AGAP4: variants seen among roughly 807,000 people sequenced by gnomAD.
AGAP4 encodes the protein arf-GAP with GTPase, ANK repeat and PH domain-containing protein 4.
A neutral mutation model predicts 60.7 loss-of-function variants in AGAP4; 13 were observed. The observed-to-expected ratio is 0.21, with a 90% confidence interval of 0.14 to 0.34. The LOEUF is 0.34. Among genes scored for constraint, AGAP4 ranks in the 10% least tolerant of loss-of-function variants. The probability of loss-of-function intolerance (pLI) is 1.00; values close to 1 mark genes in which losing one functional copy is unlikely to be tolerated. For synonymous variants in AGAP4, 70 were observed against 339.0 expected (o/e 0.21, Z 8.72); for missense variants, 169 against 884.0 (o/e 0.19, Z 10.26).
At chr10:45,843,194 G>A (rs1168633612) in intron 3 of AGAP4, among the ~76,000 whole-genome samples, 1 of 116,426 alleles carries the variant, frequency 8.6e-6, no homozygotes, top group Non-Finnish European at 1.8e-5. Context: ...CTACTCGGGA[G>A]GCTGAGGCAG....
At chr10:45,853,726 A>T (rs1376262458) in exon 1 of AGAP4, 2 of 1,287,802 alleles carry the variant, frequency 1.6e-6, no homozygotes, top group Admixed American at 4.6e-5. Flanking sequence ...CAGAGATCAC[A>T]GCAGCAGCCA....
intron 5 of AGAP4, among the ~76,000 whole-genome samples, chr10:45,831,842 C>T (rs12356735): frequency 0.2 from 27,489 of 138,890 alleles, 4,128 homozygotes; most frequent in South Asian, 0.48. Flanking sequence ...CAGGTTCAAG[C>T]GATTCTCATG....
upstream of AGAP4, among the ~76,000 whole-genome samples, chr10:45,851,540 T>C (rs1415262012): frequency 2.0e-5 from 3 of 151,726 alleles, no homozygotes; most frequent in Non-Finnish European, 2.9e-5. Context: ...AGTAGTGAAC[T>C]GGAGGTGAGA....
At chr10:45,832,921 CT>C (rs1274851504) in intron 5 of AGAP4, among the ~76,000 whole-genome samples, 2,600 of 140,426 alleles carry the variant, frequency 0.019, no homozygotes, top group African/African-American at 0.072. Context: ...CAAATTAAAA[CT>C]TACTATACTC....
intron 6 of AGAP4, among the ~76,000 whole-genome samples, chr10:45,830,372 A>G (rs2058712327): frequency 7.6e-6 from 1 of 132,118 alleles, no homozygotes; most frequent in African/African-American, 2.8e-5. Context: ...GGGTTTTACC[A>G]TGTTGGTCGG....
chr10:45,853,776 T>A (rs2059110757), exon 1 of AGAP4: 2 of 1,287,740 alleles, frequency 1.6e-6, no homozygotes, highest in Non-Finnish European at 2.0e-6. Context: ...ATGGACAAAG[T>A]TTGTGAAGGC....
At chr10:45,832,350 G>A (rs1372314001) in intron 5 of AGAP4, among the ~76,000 whole-genome samples, 2 of 149,484 alleles carry the variant, frequency 1.3e-5, no homozygotes, top group Admixed American at 6.7e-5. Context: ...ACTTGCCCAA[G>A]GTCCCACCAA....
At chr10:45,828,414 A>T (rs2058679416) in intron 6 of AGAP4, among the ~76,000 whole-genome samples, 1 of 150,106 alleles carries the variant, frequency 6.7e-6, no homozygotes, top group African/African-American at 2.4e-5. Context: ...CAGTTGTAGT[A>T]AACTTTAATA....
chr10:45,827,275 G>A lies in AGAP4; in HGVS notation c.701C>T (p.Pro234Leu). 3.8e-6 allele frequency: 6 copies of A among 1,575,058 alleles called. No homozygotes were observed. The South Asian group carries it at 4.5e-5, about 12-fold the overall frequency. The change falls in exon 8 of 8, where the codon CCT becomes CTT. Residue 234 changes from proline to leucine, a missense_variant. Pro to Leu is a moderately conservative substitution (Grantham distance 98, BLOSUM62 -3). Coordinates refer to ENST00000616763, the MANE Select transcript of AGAP4 (RefSeq NM_001276343.3). ...TSQEDPQFSV[P>L]PTANTPTPVC... ...GGGGGTGGGTGTGTTGGCAGTGGGA[G>A]GAACACTGAACTGAGGGTCCTCCTG... is the stretch of plus-strand genomic sequence containing the variant.
At chr10:45,853,440 C>A (rs1188501476) in intron 1 of AGAP4, among the ~76,000 whole-genome samples, 16 of 151,244 alleles carry the variant, frequency 1.1e-4, no homozygotes, top group Non-Finnish European at 2.2e-4. Flanking sequence ...GTAGACTATG[C>A]CCAGTGATAT....
intron 3 of AGAP4, 87 bp downstream of exon 3, chr10:45,844,239 A>G: frequency 1.4e-6 from 2 of 1,441,784 alleles, no homozygotes; most frequent in Middle Eastern, 2.5e-4. Flanking sequence ...TTTTAAACCA[A>G]TATGAGTTTT....
At chr10:45,831,365 A>C in intron 6 of AGAP4, 29 bp downstream of exon 6, 1 of 1,578,596 alleles carries the variant, frequency 6.3e-7, no homozygotes, top group Non-Finnish European at 8.6e-7. Flanking sequence ...CTTAGCTAGA[A>C]TAACAAGACA....
upstream of AGAP4, among the ~76,000 whole-genome samples, chr10:45,849,473 G>GATGATTATT (rs1554900083): frequency 1.4e-3 from 204 of 144,964 alleles, no homozygotes; most frequent in Middle Eastern, 3.7e-3. Context: ...TGATGATGAT[G>GATGATTATT]ATTATTATTA....
chr10:45,853,768 G>A (rs1463235585), exon 1 of AGAP4: 340 of 1,287,590 alleles, frequency 2.6e-4, no homozygotes, highest in Non-Finnish European at 3.3e-4. Flanking sequence ...CAGTTCTCAT[G>A]GACAAAGTTT....
chr10:45,849,828 C>T (rs1486093329), upstream of AGAP4, among the ~76,000 whole-genome samples: 5 of 150,816 alleles, frequency 3.3e-5, no homozygotes, highest in African/African-American at 9.8e-5. Flanking sequence ...TTAGTAGAGA[C>T]GGGGTTTCTG....
At chr10:45,839,896 A>G (rs2058889475) in intron 4 of AGAP4, among the ~76,000 whole-genome samples, 1 of 147,354 alleles carries the variant, frequency 6.8e-6, no homozygotes, top group Non-Finnish European at 1.5e-5. Flanking sequence ...AGTAGAGGAT[A>G]AAGTCACAGA....
intron 1 of AGAP4, among the ~76,000 whole-genome samples, chr10:45,852,934 A>G (rs1400560705): frequency 7.2e-5 from 11 of 151,906 alleles, no homozygotes; most frequent in Non-Finnish European, 5.9e-5. Flanking sequence ...TTGGATATGG[A>G]AAAGAAACTA....
intron 1 of AGAP4, among the ~76,000 whole-genome samples, chr10:45,853,303 A>G (rs1374747768): frequency 6.6e-6 from 1 of 151,126 alleles, no homozygotes; most frequent in African/African-American, 2.4e-5. Context: ...TCCCTTTAGA[A>G]GCGAATAATA....
intron 4 of AGAP4, among the ~76,000 whole-genome samples, chr10:45,834,449 G>A (rs2058779443): frequency 1.4e-5 from 2 of 138,768 alleles, no homozygotes; most frequent in Admixed American, 1.4e-4. Flanking sequence ...GTGGAGGCGG[G>A]CGGATCACGA....
Sources: gnomAD v4.1 joint callset for allele counts (sites outside exome capture counted in the v4.1 genomes callset) on GRCh38, gnomAD v4.1.1 for gene constraint, MANE v1.5 for transcripts, NCBI Gene and HGNC (gene_info 2026-07-23, HGNC 2026-07-21) for gene names.